NCAM1: variants seen among roughly 807,000 people sequenced by gnomAD.
The protein encoded by NCAM1 is neural cell adhesion molecule 1, also known as antigen recognized by monoclonal antibody 5.1H11.
NCAM1 carries 14 observed loss-of-function variants against 109.8 expected under a neutral mutation model. The ratio of observed to expected loss-of-function variants is 0.13; its 90% CI spans 0.08 to 0.20. NCAM1 has a LOEUF of 0.20. NCAM1 is among the 10% of genes least tolerant of loss of function. The pLI is 1.00. For missense variants in NCAM1, 774 were observed against 1,109.9 expected, an observed-to-expected ratio of 0.70 and a Z score of 4.30; for synonymous variants, 418 against 442.9, an observed-to-expected ratio of 0.94 and a Z score of 0.70.
intron 1 of NCAM1, among the ~76,000 whole-genome samples, chr11:113,132,060 T>C (rs886875711): frequency 1.1e-4 from 17 of 152,146 alleles, no homozygotes; most frequent in African/African-American, 4.1e-4. Context: ...AGATGGTTTT[T>C]AGTGAGTAAA....
At chr11:112,976,169 A>G (rs1421362195) in intron 1 of NCAM1, among the ~76,000 whole-genome samples, 1 of 152,010 alleles carries the variant, frequency 6.6e-6, no homozygotes. Context: ...AACATAAATT[A>G]TAAATATGTG....
intron 1 of NCAM1, among the ~76,000 whole-genome samples, chr11:113,194,888 A>C (rs1943807721): frequency 6.6e-6 from 1 of 152,238 alleles, no homozygotes; most frequent in South Asian, 2.1e-4. Context: ...CTAGCAGATC[A>C]CTTCTAGATG....
In NCAM1 at chr11:113,056,004, TATATATATATATATATATATAAA is replaced by T. The variant is rs1201793489; in HGVS notation, c.52+94351_52+94373del. On this transcript the variant is annotated intron_variant, in intron 1 of 19. Transcript: ENST00000316851. The stretch of plus-strand genomic sequence containing the variant: ...ATATATATATATATATATATATATA[TATATATATATATATATATATAAA>T]ATATATATATTATATATACACACAC... Among the ~76,000 whole-genome samples, 15 of 118,190 alleles carry T rather than the reference TATATATATATATATATATATAAA, an allele frequency of 1.3e-4. No individual in the cohort carries two copies. In the East Asian group the frequency reaches 2.2e-3, roughly 18 times the overall value. 77.5% of individuals were successfully genotyped at this position (118,190 alleles called of 152,430 possible).
chr11:113,183,011 C>T (rs548507444), intron 1 of NCAM1, among the ~76,000 whole-genome samples: 1 of 152,272 alleles, frequency 6.6e-6, no homozygotes, highest in Non-Finnish European at 1.5e-5. Context: ...GTCAGTTGGG[C>T]CCCAGTTGTT....
At chr11:113,231,966 C>T (rs1406134378) in intron 10 of NCAM1, among the ~76,000 whole-genome samples, 171 bp downstream of exon 10, 2 of 152,140 alleles carry the variant, frequency 1.3e-5, no homozygotes, top group Admixed American at 6.5e-5. Context: ...CCCTACACAC[C>T]ATCTCCAGGC....
At chr11:113,033,417 A>G (rs1952778303) in intron 1 of NCAM1, among the ~76,000 whole-genome samples, 1 of 152,228 alleles carries the variant, frequency 6.6e-6, no homozygotes, top group Non-Finnish European at 1.5e-5. Context: ...TATTAAAACA[A>G]GCGTGGAGAC....
intron 1 of NCAM1, among the ~76,000 whole-genome samples, chr11:113,022,797 C>G (rs1037105836): frequency 6.6e-6 from 1 of 152,152 alleles, no homozygotes; most frequent in Non-Finnish European, 1.5e-5. Context: ...TAGTTTTCCA[C>G]TCTCAATCTT....
intron 1 of NCAM1, among the ~76,000 whole-genome samples, chr11:113,036,580 G>T (rs1294553715): frequency 6.6e-6 from 1 of 151,936 alleles, no homozygotes; most frequent in Non-Finnish European, 1.5e-5. Flanking sequence ...TCTACTCCCA[G>T]GTCCCCCATC....
At chr11:113,123,552 T>C (rs1941054466) in intron 1 of NCAM1, among the ~76,000 whole-genome samples, 1 of 152,170 alleles carries the variant, frequency 6.6e-6, no homozygotes, top group African/African-American at 2.4e-5. Context: ...CCACTGACCA[T>C]GGCTGCCATC....
chr11:113,196,794 T>G (rs1555110897), intron 1 of NCAM1, among the ~76,000 whole-genome samples: 1 of 152,210 alleles, frequency 6.6e-6, no homozygotes, highest in African/African-American at 2.4e-5. Flanking sequence ...TTTCACTGAT[T>G]TTGTAGGTTT....
At chr11:113,145,411 T>G (rs192765634) in intron 1 of NCAM1, among the ~76,000 whole-genome samples, 2 of 152,336 alleles carry the variant, frequency 1.3e-5, no homozygotes, top group Non-Finnish European at 2.9e-5. Context: ...TGAAATGATT[T>G]AGTATTTGTT....
chr11:113,195,183 G>A (rs1168121324), intron 1 of NCAM1, among the ~76,000 whole-genome samples: 1 of 152,126 alleles, frequency 6.6e-6, no homozygotes, highest in African/African-American at 2.4e-5. Flanking sequence ...AAGTTAAACA[G>A]TCTACCTTAT....
At chr11:113,168,818 T>A (rs1379431955) in intron 1 of NCAM1, among the ~76,000 whole-genome samples, 1 of 152,082 alleles carries the variant, frequency 6.6e-6, no homozygotes, top group Admixed American at 6.6e-5. Context: ...ATGGGAAATG[T>A]TTAGCTTGTG....
chr11:113,215,493 G>A (rs1307903497), intron 8 of NCAM1, among the ~76,000 whole-genome samples: 1 of 150,118 alleles, frequency 6.7e-6, no homozygotes, highest in Admixed American at 6.6e-5. Context: ...CCTGCCTAAA[G>A]GAAATCTCTA....
At chr11:113,264,767 A>C in intron 17 of NCAM1, 1 of 985,538 alleles carries the variant, frequency 1.0e-6, no homozygotes, top group Non-Finnish European at 1.2e-6. Context: ...TCCCAGGGTC[A>C]GGCAGGCCTC....
chr11:112,972,005 C>T (rs1004339591), intron 1 of NCAM1, among the ~76,000 whole-genome samples: 4 of 152,096 alleles, frequency 2.6e-5, no homozygotes, highest in Non-Finnish European at 1.5e-5. Context: ...TTAGAAATAA[C>T]AAAGCAACCA....
chr11:113,003,138 T>G (rs1375601435), intron 1 of NCAM1, among the ~76,000 whole-genome samples: 4 of 152,242 alleles, frequency 2.6e-5, no homozygotes, highest in Admixed American at 2.0e-4. Flanking sequence ...AATATTGCCA[T>G]GAGGGCATCA....
At chr11:112,968,428 A>C (rs535880885) in intron 1 of NCAM1, among the ~76,000 whole-genome samples, 2 of 152,354 alleles carry the variant, frequency 1.3e-5, no homozygotes, top group African/African-American at 4.8e-5. Context: ...TGTTTTAGCT[A>C]TCTAAAAGGA....
At chr11:113,222,973 T>C (rs1484611847) in intron 9 of NCAM1, among the ~76,000 whole-genome samples, 1 of 152,186 alleles carries the variant, frequency 6.6e-6, no homozygotes, top group African/African-American at 2.4e-5. Context: ...AAAAGAAGGC[T>C]CAGGTTATGG....
Sources: gnomAD v4.1 joint callset for allele counts (sites outside exome capture counted in the v4.1 genomes callset) on GRCh38, gnomAD v4.1.1 for gene constraint, MANE v1.5 for transcripts, NCBI Gene and HGNC (gene_info 2026-07-23, HGNC 2026-07-21) for gene names.